PDE2A: variants seen among roughly 807,000 people sequenced by gnomAD.
PDE2A encodes the protein phosphodiesterase 2A.
Under a neutral mutation model 133.6 loss-of-function variants are expected in PDE2A, and 53 were observed. That is an observed-to-expected ratio of 0.40 (90% confidence interval 0.32 to 0.50). The LOEUF (loss-of-function observed/expected upper bound fraction) is 0.50, where lower values mean the gene tolerates loss of function less well. PDE2A is among the 20% of genes least tolerant of loss of function. The probability of loss-of-function intolerance (pLI) is 0.73; values close to 1 mark genes in which losing one functional copy is unlikely to be tolerated. For synonymous variants in PDE2A, 491 were observed against 490.2 expected, an observed-to-expected ratio of 1.00 and a Z score of -0.02; for missense variants, 796 against 1,232.4, an observed-to-expected ratio of 0.65 and a Z score of 5.30.
intron 2 of PDE2A, among the ~76,000 whole-genome samples, chr11:72,639,835 C>T (rs1214830534): frequency 6.6e-6 from 1 of 152,112 alleles, no homozygotes; most frequent in Non-Finnish European, 1.5e-5. Flanking sequence ...TCTCTAGGGA[C>T]CTGATCAGGA....
At chr11:72,658,019 G>T (rs1032056586) in intron 1 of PDE2A, 1 of 456,260 alleles carries the variant, frequency 2.2e-6, no homozygotes, top group Non-Finnish European at 4.4e-6. Flanking sequence ...CCTTCTCCTG[G>T]CAGGCATGTA....
intron 3 of PDE2A, among the ~76,000 whole-genome samples, chr11:72,608,192 C>T (rs979921301): frequency 6.6e-6 from 1 of 152,174 alleles, no homozygotes; most frequent in Non-Finnish European, 1.5e-5. Flanking sequence ...TTTCCAGCCT[C>T]CCATCTCCAG....
intron 2 of PDE2A, among the ~76,000 whole-genome samples, chr11:72,615,852 A>G (rs1329412302): frequency 2.6e-5 from 4 of 152,276 alleles, no homozygotes; most frequent in South Asian, 4.2e-4. Context: ...TCGCGCCACA[A>G]AAGAGAGCCT....
At chr11:72,637,221 C>T (rs888331549) in intron 2 of PDE2A, among the ~76,000 whole-genome samples, 1 of 152,214 alleles carries the variant, frequency 6.6e-6, no homozygotes, top group Non-Finnish European at 1.5e-5. Flanking sequence ...TCACCATGGC[C>T]CCTGAGTTTA....
At chr11:72,639,604 C>A (rs562773760) in intron 2 of PDE2A, among the ~76,000 whole-genome samples, 21 of 152,286 alleles carry the variant, frequency 1.4e-4, no homozygotes, top group Non-Finnish European at 2.4e-4. Context: ...GACCTTGCTG[C>A]CACGTGCATC....
At position 72,577,594 on chromosome 11, in the gene PDE2A, C is replaced by A; in HGVS notation, c.2616G>T (p.Lys872Asn). 6.5e-7 allele frequency: 1 copy of A among 1,547,432 alleles called. No individual in the cohort carries two copies. Among genetic ancestry groups the A allele is most frequent in the Non-Finnish European group, 8.6e-7 (1 of 1,165,166 alleles). ...FMEHIAMPIY[K>N]LLQDLFPKAA... is the part of the protein sequence containing the mutation. ...CTTTGGGGAACAGGTCCTGCAACAG[C>A]CTGCGGGTGCATGGGGGGCAGAGGG... The change falls in exon 31 of 31, where the codon AAG becomes AAT. Residue 872 changes from lysine to asparagine, a missense_variant and splice_region_variant. Transcript: ENST00000334456.
chr11:72,598,200 A>G (rs577372574), intron 4 of PDE2A, among the ~76,000 whole-genome samples: 1 of 152,352 alleles, frequency 6.6e-6, no homozygotes, highest in African/African-American at 2.4e-5. Context: ...TGGAGAAGCT[A>G]TGGCACCAAG....
intron 4 of PDE2A, among the ~76,000 whole-genome samples, chr11:72,602,841 C>T (rs561081126): frequency 6.6e-6 from 1 of 152,316 alleles, no homozygotes; most frequent in African/African-American, 2.4e-5. Context: ...AGTGCTCTTC[C>T]CTCGTCCATA....
intron 1 of PDE2A, among the ~76,000 whole-genome samples, chr11:72,654,920 T>C (rs943214726): frequency 6.6e-5 from 10 of 151,916 alleles, no homozygotes; most frequent in African/African-American, 2.4e-4. Context: ...GGGTGACTCT[T>C]GCAGCACCCA....
At chr11:72,625,792 A>G (rs573763700) in intron 2 of PDE2A, among the ~76,000 whole-genome samples, 1 of 152,300 alleles carries the variant, frequency 6.6e-6, no homozygotes, top group African/African-American at 2.4e-5. Flanking sequence ...CCCCCCAGCA[A>G]GGGCGCTGCC....
intron 1 of PDE2A, among the ~76,000 whole-genome samples, chr11:72,672,144 C>T (rs1040725971): frequency 7.9e-5 from 12 of 151,742 alleles, no homozygotes; most frequent in South Asian, 2.1e-4. Context: ...ACAATGCCAC[C>T]GAGGCAGGTT....
chr11:72,651,849 C>T (rs1854750491), intron 1 of PDE2A, among the ~76,000 whole-genome samples: 1 of 152,192 alleles, frequency 6.6e-6, no homozygotes, highest in Non-Finnish European at 1.5e-5. Context: ...ATCTCCTTTC[C>T]TCCCTCCCCA....
chr11:72,589,843 C>T, intron 10 of PDE2A, 51 bp from the exon 11 acceptor site: 1 of 1,605,856 alleles, frequency 6.2e-7, no homozygotes, highest in Non-Finnish European at 8.5e-7. Context: ...ATGGATTTCC[C>T]CCTCGGAGAC....
chr11:72,577,666 A>G, intron 30 of PDE2A, 72 bp from the exon 31 acceptor site: 3 of 1,111,714 alleles, frequency 2.7e-6, no homozygotes, highest in Non-Finnish European at 4.0e-6. Context: ...GACTAGGGCT[A>G]CACAACAAAT....
At chr11:72,610,552 C>T (rs2135366853) in intron 2 of PDE2A, among the ~76,000 whole-genome samples, 1 of 152,288 alleles carries the variant, frequency 6.6e-6, no homozygotes, top group African/African-American at 2.4e-5. Flanking sequence ...GGCCTTCTCC[C>T]CAGATGCTTA....
intron 26 of PDE2A, 68 bp from the exon 27 acceptor site, chr11:72,579,451 G>T: frequency 1.3e-6 from 2 of 1,561,514 alleles, no homozygotes; most frequent in South Asian, 1.1e-5. Context: ...ATCCCAGTGA[G>T]CCTCCACTCC....
chr11:72,579,257 C>G (rs1279634067), intron 27 of PDE2A, 27 bp downstream of exon 27: 15 of 1,550,310 alleles, frequency 9.7e-6, no homozygotes, highest in Non-Finnish European at 1.3e-5. Context: ...CTCCCCAGCC[C>G]CAAGGACTGG....
intron 2 of PDE2A, among the ~76,000 whole-genome samples, chr11:72,623,274 G>A (rs1183150283): frequency 2.6e-5 from 4 of 151,892 alleles, no homozygotes; most frequent in South Asian, 2.1e-4. Context: ...TCCACACACC[G>A]ACCCTCCCTC....
At chr11:72,663,726 CAAAAA>C (rs35814877) in intron 1 of PDE2A, among the ~76,000 whole-genome samples, 1 of 111,830 alleles carries the variant, frequency 8.9e-6, no homozygotes, top group Non-Finnish European at 1.9e-5. Flanking sequence ...AAGACTGTCT[CAAAAA>C]AAAAAAAAAA....
Sources: gnomAD v4.1 joint callset for allele counts (sites outside exome capture counted in the v4.1 genomes callset) on GRCh38, gnomAD v4.1.1 for gene constraint, MANE v1.5 for transcripts, NCBI Gene and HGNC (gene_info 2026-07-23, HGNC 2026-07-21) for gene names.